GRM7: variants seen among roughly 807,000 people sequenced by gnomAD.
GRM7 encodes glutamate metabotropic receptor 7.
In GRM7, 35 loss-of-function variants were observed where a neutral mutation model predicts 84.5. The ratio of observed to expected loss-of-function variants is 0.41; its 90% confidence interval spans 0.32 to 0.55. The LOEUF (loss-of-function observed/expected upper bound fraction) is 0.55, where lower values mean the gene tolerates loss of function less well. Among genes scored for constraint, GRM7 ranks in the 20% least tolerant of loss-of-function variants. The pLI, the probability that GRM7 is intolerant of heterozygous loss-of-function variation, is 0.19. For synonymous variants in GRM7, 487 were observed against 455.1 expected, an observed-to-expected ratio of 1.07 and a Z score of -0.89; for missense variants, 1,003 against 1,194.6, an observed-to-expected ratio of 0.84 and a Z score of 2.36.
rs1699528128 is a variant in GRM7 at position 7,491,819 on chromosome 3, T to G, written c.1515+30097T>G. Among the ~76,000 whole-genome samples, 7 of 152,186 alleles carry G rather than the reference T, an allele frequency of 4.6e-5. No individual in the cohort carries two copies. In the South Asian group the frequency reaches 1.4e-3, roughly 31 times the overall value. ...AACACTGGATATGGTTCTTAGTACA[T>G]GGTGAGTATATAATAAATACCTGAA... On this transcript the variant is annotated intron_variant, in intron 7 of 9. Transcript: ENST00000357716.
chr3:7,617,033 AT>A (rs1697118482), intron 8 of GRM7, among the ~76,000 whole-genome samples: 1 of 152,192 alleles, frequency 6.6e-6, no homozygotes, highest in Admixed American at 6.5e-5. Flanking sequence ...ATGGCAAGAT[AT>A]ATCAAAGCTA....
intron 8 of GRM7, among the ~76,000 whole-genome samples, chr3:7,625,013 C>A (rs1197896018): frequency 6.6e-6 from 1 of 152,146 alleles, no homozygotes; most frequent in Non-Finnish European, 1.5e-5. Context: ...TAATATGCTT[C>A]CAGAACTTGG....
intron 8 of GRM7, among the ~76,000 whole-genome samples, chr3:7,670,434 A>G (rs142043334): frequency 3.9e-5 from 6 of 152,324 alleles, no homozygotes; most frequent in Non-Finnish European, 8.8e-5. Flanking sequence ...ATGGCTTTGA[A>G]AACTGAGATA....
At chr3:7,542,063 C>G (rs1484178993) in intron 7 of GRM7, among the ~76,000 whole-genome samples, 1 of 152,144 alleles carries the variant, frequency 6.6e-6, no homozygotes, top group Non-Finnish European at 1.5e-5. Flanking sequence ...TCTATTTTCT[C>G]TTTTTATGAG....
At chr3:6,960,456 A>G (rs1471207175) in intron 1 of GRM7, among the ~76,000 whole-genome samples, 1 of 152,018 alleles carries the variant, frequency 6.6e-6, no homozygotes, top group African/African-American at 2.4e-5. Context: ...TTTATCTCCC[A>G]CCAAAATACT....
At chr3:7,234,355 T>G (rs1697284369) in intron 2 of GRM7, among the ~76,000 whole-genome samples, 1 of 152,194 alleles carries the variant, frequency 6.6e-6, no homozygotes, top group South Asian at 2.1e-4. Context: ...TTGCATTGTT[T>G]GGATTTCCAT....
chr3:7,368,860 G>A (rs1336577025), intron 4 of GRM7, among the ~76,000 whole-genome samples: 1 of 150,200 alleles, frequency 6.7e-6, no homozygotes, highest in Non-Finnish European at 1.5e-5. Context: ...GCACATAATA[G>A]TGGCCTGTTA....
chr3:7,124,339 C>G (rs1693326420), intron 1 of GRM7, among the ~76,000 whole-genome samples: 2 of 152,092 alleles, frequency 1.3e-5, no homozygotes, highest in South Asian at 4.1e-4. Context: ...CAGAGTAGAG[C>G]TACTAAAAAT....
At chr3:7,257,953 G>A (rs1032946123) in intron 2 of GRM7, among the ~76,000 whole-genome samples, 1 of 152,138 alleles carries the variant, frequency 6.6e-6, no homozygotes, top group African/African-American at 2.4e-5. Flanking sequence ...ATATGTATGA[G>A]TTTTGATTGA....
intron 7 of GRM7, among the ~76,000 whole-genome samples, chr3:7,528,186 TA>T (rs1700884753): frequency 6.6e-6 from 1 of 152,082 alleles, no homozygotes; most frequent in East Asian, 1.9e-4. Context: ...TTTTTATTAC[TA>T]ATTCAATTAT....
chr3:7,116,793 C>T (rs1559451647), intron 1 of GRM7, among the ~76,000 whole-genome samples: 1 of 152,120 alleles, frequency 6.6e-6, no homozygotes, highest in Non-Finnish European at 1.5e-5. Context: ...ACTTCATCCA[C>T]ACAGCTTAAT....
Position 7,099,789 on chromosome 3 carries a change from C to A in GRM7, c.520-46663C>A, listed in dbSNP as rs1699037843. ...TATGTACACGCATTATACATGTGCA[C>A]ATACATGTATATGTACACGCATTAT... On this transcript the variant is annotated intron_variant, in intron 1 of 9. Coordinates refer to ENST00000357716, the MANE Select transcript of GRM7 (RefSeq NM_000844.4). 2.2e-5 allele frequency among the ~76,000 whole-genome samples: 2 copies of A among 92,758 alleles called. 1 individual carries two copies. Among genetic ancestry groups the A allele is most frequent in the African/African-American group, 1.8e-4 (2 of 11,150 alleles). 60.9% of individuals were successfully genotyped at this position (92,758 alleles called of 152,430 possible).
At chr3:7,089,920 G>T (rs1050771114) in intron 1 of GRM7, among the ~76,000 whole-genome samples, 1 of 152,078 alleles carries the variant, frequency 6.6e-6, no homozygotes, top group Non-Finnish European at 1.5e-5. Context: ...TCGGCTCACT[G>T]CAACCTCTAC....
intron 8 of GRM7, among the ~76,000 whole-genome samples, chr3:7,622,062 C>T (rs1450801839): frequency 6.6e-6 from 1 of 152,116 alleles, no homozygotes; most frequent in Non-Finnish European, 1.5e-5. Flanking sequence ...GTCACGGGCT[C>T]AATTTTTCAG....
chr3:6,886,534 A>G (rs1695702304), intron 1 of GRM7, among the ~76,000 whole-genome samples: 1 of 152,106 alleles, frequency 6.6e-6, no homozygotes, highest in African/African-American at 2.4e-5. Flanking sequence ...AAGCTCAATA[A>G]TTCTGGGTTG....
intron 8 of GRM7, among the ~76,000 whole-genome samples, chr3:7,656,732 G>C (rs1699220770): frequency 6.6e-6 from 1 of 151,928 alleles, no homozygotes; most frequent in African/African-American, 2.4e-5. Context: ...ACCTACCTCA[G>C]GAATGTCACT....
At chr3:6,970,750 C>T (rs1206699972) in intron 1 of GRM7, among the ~76,000 whole-genome samples, 1 of 152,106 alleles carries the variant, frequency 6.6e-6, no homozygotes, top group Non-Finnish European at 1.5e-5. Context: ...GAGGCCGAGG[C>T]GGGCGGATCA....
chr3:7,127,057 C>A (rs1693426665), intron 1 of GRM7, among the ~76,000 whole-genome samples: 1 of 152,220 alleles, frequency 6.6e-6, no homozygotes, highest in South Asian at 2.1e-4. Context: ...AAAACATCCC[C>A]AAACTGGAAT....
At chr3:6,944,038 A>G (rs955091548) in intron 1 of GRM7, among the ~76,000 whole-genome samples, 1 of 152,032 alleles carries the variant, frequency 6.6e-6, no homozygotes, top group Non-Finnish European at 1.5e-5. Context: ...TTATTTTGCA[A>G]TTCTCATAAA....
Sources: gnomAD v4.1 joint callset for allele counts (sites outside exome capture counted in the v4.1 genomes callset) on GRCh38, gnomAD v4.1.1 for gene constraint, MANE v1.5 for transcripts, NCBI Gene and HGNC (gene_info 2026-07-23, HGNC 2026-07-21) for gene names.